The following POMT2 variants were observed in gnomAD, a reference collection of about 807,000 sequenced individuals.
POMT2 encodes the protein protein O-mannosyl-transferase 2.
In POMT2, 75 loss-of-function variants were observed where a neutral mutation model predicts 100.0. The ratio of observed to expected loss-of-function variants is 0.75; its 90% CI spans 0.62 to 0.91. The LOEUF is 0.91. POMT2 is among the 40% of genes least tolerant of loss of function. The pLI is 0.00. For synonymous variants in POMT2, 378 were observed against 374.1 expected (o/e 1.01, Z -0.12); for missense variants, 940 against 955.1 (o/e 0.98, Z 0.21).
intron 15 of POMT2, among the ~76,000 whole-genome samples, chr14:77,281,962 G>A (rs1409864694): frequency 1.3e-5 from 2 of 152,196 alleles, no homozygotes; most frequent in Non-Finnish European, 2.9e-5. Flanking sequence ...TAGTTTACAG[G>A]CCTCTACATG....
chr14:77,314,202 T>C (rs937242601), intron 1 of POMT2, among the ~76,000 whole-genome samples: 1 of 152,194 alleles, frequency 6.6e-6, no homozygotes, highest in African/African-American at 2.4e-5. Context: ...TGTCTCCCTC[T>C]GAGACAGAGG....
At position 77,320,485 on chromosome 14, in the gene POMT2, A is replaced by T; in HGVS notation, c.197T>A (p.Leu66Gln). ...GWWALLALVT[L>Q]LSFATRFHRL... ...GTGGAAGCGGGTGGCGAAGGACAGC[A>T]GCGTCACCAAGGCCAGCAGGGCCCA... is the stretch of plus-strand genomic sequence containing the variant. The change falls in exon 1 of 21, where the codon CTG (leucine) becomes CAG (glutamine). Residue 66 changes from leucine (L) to glutamine (Q), a missense_variant. Physicochemically the swap from Leu to Gln is moderately radical, Grantham distance 113. Transcript: ENST00000261534. 1 of 1,545,638 alleles carries T rather than the reference A, an allele frequency of 6.5e-7. No individual in the cohort carries two copies. Among genetic ancestry groups the T allele is most frequent in the Non-Finnish European group, 8.7e-7 (1 of 1,147,950 alleles).
chr14:77,314,293 G>A (rs1165337474), intron 1 of POMT2, among the ~76,000 whole-genome samples: 1 of 152,178 alleles, frequency 6.6e-6, no homozygotes, highest in East Asian at 1.9e-4. Context: ...GCTACTGCAT[G>A]TGCAAGCATT....
At chr14:77,294,444 C>T (rs1890749232) in intron 9 of POMT2, among the ~76,000 whole-genome samples, 1 of 152,248 alleles carries the variant, frequency 6.6e-6, no homozygotes. Context: ...GCCTCAGTCT[C>T]CTGAGTGGCT....
chr14:77,319,770 G>C (rs1190746591), intron 1 of POMT2, among the ~76,000 whole-genome samples: 1 of 152,168 alleles, frequency 6.6e-6, no homozygotes, highest in African/African-American at 2.4e-5. Context: ...TCTAACCCAG[G>C]AGTCTCATCT....
intron 1 of POMT2, among the ~76,000 whole-genome samples, chr14:77,317,226 C>T (rs554910870): frequency 6.6e-6 from 1 of 152,362 alleles, no homozygotes; most frequent in Admixed American, 6.5e-5. Flanking sequence ...GCACTGACCA[C>T]ACCTGCTCCT....
intron 18 of POMT2, chr14:77,279,620 G>A (rs1345135552): frequency 1.6e-5 from 11 of 691,268 alleles, no homozygotes; most frequent in African/African-American, 1.6e-4. Context: ...AATAGCCAAC[G>A]CTCTAGTGTT....
chr14:77,317,252 G>C (rs768858053), intron 1 of POMT2, among the ~76,000 whole-genome samples: 3 of 152,216 alleles, frequency 2.0e-5, no homozygotes, highest in Non-Finnish European at 2.9e-5. Flanking sequence ...ATTGACATTA[G>C]GACTTTGTTC....
chr14:77,310,934 G>A (rs754671222), intron 2 of POMT2, among the ~76,000 whole-genome samples: 1 of 152,234 alleles, frequency 6.6e-6, no homozygotes, highest in Non-Finnish European at 1.5e-5. Context: ...GGGAGTTCAA[G>A]ACCAGCCTGG....
At position 77,276,916 on chromosome 14, in the gene POMT2, G is replaced by C. The variant is rs1889981161; in HGVS notation, c.*460C>G. 1 of 181,844 alleles carries C rather than the reference G, an allele frequency of 5.5e-6. No individual in the cohort carries two copies. The highest frequency in any genetic ancestry group is 1.2e-5 in the Non-Finnish European group (1 of 84,152). The allele number at this position is 181,844 out of a possible 1,614,324, so 11.3% of individuals were successfully genotyped here. ...GCCCTCAAGGCCCTCTCAGAGGTCT[G>C]AGAATTTTTGATGGATCTTACAAAC... is the stretch of plus-strand genomic sequence containing the variant. On this transcript the variant is annotated 3_prime_UTR_variant, in exon 21 of 21. Coordinates refer to ENST00000261534, the MANE Select transcript of POMT2 (RefSeq NM_013382.7).
At chr14:77,298,872 G>T in intron 7 of POMT2, 101 bp from the exon 8 acceptor site, 2 of 1,137,240 alleles carry the variant, frequency 1.8e-6, no homozygotes, top group Non-Finnish European at 2.6e-6. Context: ...TTTAAGGAAA[G>T]TAGAATCAGA....
chr14:77,316,987 C>T (rs1344731960), intron 1 of POMT2, among the ~76,000 whole-genome samples: 1 of 152,200 alleles, frequency 6.6e-6, no homozygotes, highest in Non-Finnish European at 1.5e-5. Context: ...CAGGTACTCT[C>T]GTAAGACTGA....
At chr14:77,296,559 G>A (rs964677743) in intron 8 of POMT2, 1 of 443,430 alleles carries the variant, frequency 2.3e-6, no homozygotes, top group Non-Finnish European at 4.2e-6. Flanking sequence ...AAAACAACTT[G>A]TCCTTCTCAA....
chr14:77,277,897 A>G (rs1259074133), intron 20 of POMT2, among the ~76,000 whole-genome samples: 1 of 151,928 alleles, frequency 6.6e-6, no homozygotes, highest in Non-Finnish European at 1.5e-5. Context: ...CACACTTCCC[A>G]TTCCCACCCT....
chr14:77,282,743 A>G (rs552331063), intron 15 of POMT2, among the ~76,000 whole-genome samples: 5 of 152,336 alleles, frequency 3.3e-5, no homozygotes, highest in African/African-American at 9.6e-5. Flanking sequence ...GAATTTTTAA[A>G]ATTTAATCTG....
At chr14:77,294,168 C>T (rs1490230107) in intron 9 of POMT2, among the ~76,000 whole-genome samples, 1 of 152,316 alleles carries the variant, frequency 6.6e-6, no homozygotes, top group East Asian at 1.9e-4. Context: ...GGATAAGAAA[C>T]TGATACTAAA....
At chr14:77,320,280 C>T (rs1330465786) in intron 1 of POMT2, 154 bp downstream of exon 1, 6 of 1,335,740 alleles carry the variant, frequency 4.5e-6, no homozygotes, top group Non-Finnish European at 4.1e-6. Flanking sequence ...AGAGAATGCA[C>T]CTCGCCAGAG....
rs1891454173 is a variant in POMT2 at position 77,312,040 on chromosome 14, G to GA, written c.249-8dup. ...AAAGTGAGTCTCATCCCAACTAAAGGAAACACAGAAAGAGAAACAAGAATT... is the reference window on the plus strand; with the variant it reads ...AAAGTGAGTCTCATCCCAACTAAAGGAAAACACAGAAAGAGAAACAAGAATT... On this transcript the variant is annotated splice_region_variant and splice_polypyrimidine_tract_variant and intron_variant, in intron 1 of 20. Coordinates refer to ENST00000261534, the MANE Select transcript of POMT2 (RefSeq NM_013382.7). 3.1e-6 allele frequency: 5 copies of GA among 1,613,334 alleles called. No homozygotes were observed. The Admixed American group carries it at 6.7e-5, about 22-fold the overall frequency.
chr14:77,291,986 C>T (rs959673543), intron 9 of POMT2, among the ~76,000 whole-genome samples: 8 of 152,090 alleles, frequency 5.3e-5, no homozygotes, highest in East Asian at 1.9e-4. Context: ...GCTGAGATCG[C>T]GCCACTGCAC....
Sources: allele counts gnomAD v4.1 joint callset (sites outside exome capture counted in the v4.1 genomes callset), GRCh38; gene constraint gnomAD v4.1.1; transcripts MANE v1.5; gene names NCBI Gene and HGNC (gene_info 2026-07-23, HGNC 2026-07-21).